Variants in ATRNL1 observed in about 807,000 individuals in gnomAD.
ATRNL1 encodes attractin like 1.
Under a neutral mutation model 182.7 loss-of-function variants are expected in ATRNL1, and 95 were observed. The ratio of observed to expected loss-of-function variants is 0.52; its 90% confidence interval spans 0.44 to 0.62. The LOEUF (loss-of-function observed/expected upper bound fraction) is 0.62. Among genes scored for constraint, ATRNL1 ranks in the 20% least tolerant of loss-of-function variants. The pLI, the probability that ATRNL1 is intolerant of heterozygous loss-of-function variation, is 0.00. For synonymous variants in ATRNL1, 576 were observed against 568.3 expected (o/e 1.01, Z -0.19); for missense variants, 1,471 against 1,679.5 (o/e 0.88, Z 2.17).
At chr10:115,242,343 A>T (rs1018811588) in intron 10 of ATRNL1, among the ~76,000 whole-genome samples, 1 of 151,948 alleles carries the variant, frequency 6.6e-6, no homozygotes, top group Non-Finnish European at 1.5e-5. Flanking sequence ...ACGCAATATA[A>T]TCCTATCAAT....
chr10:115,241,508 C>A, intron 9 of ATRNL1, 63 bp from the exon 10 acceptor site: 1 of 1,140,608 alleles, frequency 8.8e-7, no homozygotes, highest in South Asian at 1.6e-5. Flanking sequence ...CTTTATATAA[C>A]ATATATAAAA....
intron 27 of ATRNL1, among the ~76,000 whole-genome samples, chr10:115,835,229 A>T (rs1415339254): frequency 1.3e-5 from 2 of 152,156 alleles, no homozygotes; most frequent in Non-Finnish European, 2.9e-5. Flanking sequence ...CTGTCCCTGA[A>T]TGCAAAATAA....
chr10:115,558,687 G>A (rs778143493), intron 26 of ATRNL1, among the ~76,000 whole-genome samples: 2 of 152,058 alleles, frequency 1.3e-5, no homozygotes, highest in Non-Finnish European at 1.5e-5. Context: ...GCATGAATTG[G>A]CCCTAGATTT....
chr10:115,691,900 C>T (rs569756201), intron 26 of ATRNL1, among the ~76,000 whole-genome samples: 7 of 151,840 alleles, frequency 4.6e-5, no homozygotes, highest in African/African-American at 7.2e-5. Context: ...CAAATATTTT[C>T]TCCAAAGCTA....
intron 1 of ATRNL1, among the ~76,000 whole-genome samples, chr10:115,112,569 A>G (rs1022461189): frequency 1.3e-5 from 2 of 152,204 alleles, no homozygotes; most frequent in East Asian, 3.8e-4. Flanking sequence ...CTAAAATTGA[A>G]GCAAGAGCAA....
At chr10:115,821,858 A>T (rs1950307138) in intron 27 of ATRNL1, among the ~76,000 whole-genome samples, 4 of 152,014 alleles carry the variant, frequency 2.6e-5, no homozygotes, top group Admixed American at 2.6e-4. Context: ...CCCCACTGTC[A>T]ATGTTAGAGC....
chr10:115,446,037 T>C (rs1554966654), intron 21 of ATRNL1, among the ~76,000 whole-genome samples: 1 of 152,184 alleles, frequency 6.6e-6, no homozygotes, highest in African/African-American at 2.4e-5. Context: ...CTAATTTGAA[T>C]AATATTGGTG....
At chr10:115,236,732 G>A (rs1850201711) in intron 9 of ATRNL1, among the ~76,000 whole-genome samples, 1 of 152,040 alleles carries the variant, frequency 6.6e-6, no homozygotes, top group Admixed American at 6.6e-5. Flanking sequence ...TACAGTCAGT[G>A]GGTCAATGTT....
In ATRNL1 at chr10:115,093,723, G is replaced by C; in HGVS notation, c.-28G>C. 1 of 1,416,810 alleles carries C rather than the reference G, an allele frequency of 7.1e-7. No homozygotes were observed. The highest frequency in any genetic ancestry group is 1.5e-5 in the South Asian group (1 of 66,756). 87.8% of individuals were successfully genotyped at this position (1,416,810 alleles called of 1,614,324 possible). A position where few individuals can be genotyped will look rare whatever the true frequency, so the allele number is the denominator to read the frequency against. On this transcript the variant is annotated 5_prime_UTR_variant, in exon 1 of 29. Transcript: ENST00000355044. The surrounding 1 kb of genome is among the most constrained non-coding windows in gnomAD (Gnocchi z 6.1). ...ATCCCTGTCGGCGCCCGCGAGCGCA[G>C]TCTCGCCGGGCAGGGGCGCCGGGGA... is the stretch of plus-strand genomic sequence containing the variant.
intron 26 of ATRNL1, among the ~76,000 whole-genome samples, chr10:115,633,162 C>T (rs1022946118): frequency 1.3e-5 from 2 of 152,116 alleles, no homozygotes; most frequent in Non-Finnish European, 2.9e-5. Context: ...CCTCCCGCCT[C>T]GGCCACCCAA....
intron 10 of ATRNL1, among the ~76,000 whole-genome samples, chr10:115,261,995 CCAT>C (rs1176619593): frequency 6.6e-6 from 1 of 151,976 alleles, no homozygotes; most frequent in Non-Finnish European, 1.5e-5. Flanking sequence ...TTAATCTTCA[CCAT>C]CTGAAGAAGG....
intron 9 of ATRNL1, among the ~76,000 whole-genome samples, chr10:115,227,375 G>T (rs1731535229): frequency 6.6e-6 from 1 of 151,982 alleles, no homozygotes; most frequent in African/African-American, 2.4e-5. Context: ...CAGTCAGAAT[G>T]GCTATTTTTA....
chr10:115,297,203 T>G (rs1308104810), intron 15 of ATRNL1, among the ~76,000 whole-genome samples: 1 of 152,190 alleles, frequency 6.6e-6, no homozygotes, highest in African/African-American at 2.4e-5. Context: ...AGGAGAGACC[T>G]ATCAGTTTTA....
At chr10:115,190,524 G>A (rs1554889628) in intron 8 of ATRNL1, among the ~76,000 whole-genome samples, 1 of 151,884 alleles carries the variant, frequency 6.6e-6, no homozygotes. Flanking sequence ...TATTTATTTG[G>A]AAGAAATACG....
At chr10:115,613,612 T>A (rs905085496) in intron 26 of ATRNL1, among the ~76,000 whole-genome samples, 2 of 152,164 alleles carry the variant, frequency 1.3e-5, no homozygotes, top group Non-Finnish European at 2.9e-5. Flanking sequence ...GTTAGTTATT[T>A]TTTAAAAGTA....
intron 27 of ATRNL1, among the ~76,000 whole-genome samples, chr10:115,776,114 G>A (rs1949120429): frequency 6.6e-6 from 1 of 152,262 alleles, no homozygotes; most frequent in Admixed American, 6.5e-5. Context: ...AGTTATCAAG[G>A]TTAATCACAA....
intron 25 of ATRNL1, among the ~76,000 whole-genome samples, chr10:115,532,412 A>G (rs1337997840): frequency 6.6e-6 from 1 of 152,176 alleles, no homozygotes; most frequent in Non-Finnish European, 1.5e-5. Context: ...GAGTTCACTC[A>G]TGATTTGGCT....
intron 26 of ATRNL1, among the ~76,000 whole-genome samples, chr10:115,577,082 A>G (rs190451657): frequency 7.2e-5 from 11 of 151,728 alleles, no homozygotes; most frequent in Non-Finnish European, 1.6e-4. Context: ...TTTCGGTTCT[A>G]TTGGTCTATG....
chr10:115,598,664 T>C (rs1856420300), intron 26 of ATRNL1, among the ~76,000 whole-genome samples: 2 of 152,094 alleles, frequency 1.3e-5, no homozygotes, highest in Admixed American at 6.6e-5. Flanking sequence ...CCCATTCCTA[T>C]TATAATAAAT....
Sources: allele counts gnomAD v4.1 joint callset (sites outside exome capture counted in the v4.1 genomes callset), GRCh38; gene constraint gnomAD v4.1.1; non-coding constraint Gnocchi (gnomAD v3.1); transcripts MANE v1.5; gene names NCBI Gene and HGNC (gene_info 2026-07-23, HGNC 2026-07-21).